Variants in ACCSL observed in about 807,000 individuals in gnomAD.
ACCSL encodes the protein 1-aminocyclopropane-1-carboxylate synthase homolog (inactive) like, also known as probable inactive 1-aminocyclopropane-1-carboxylate synthase-like protein 2.
ACCSL carries 55 observed loss-of-function variants against 61.7 expected under a neutral mutation model. The observed-to-expected ratio is 0.89, with a 90% CI of 0.72 to 1.12. ACCSL has a LOEUF of 1.12. Ranked by LOEUF, ACCSL falls within the 50% of genes most tolerant of loss-of-function variation. ACCSL has a pLI of 0.00. For missense variants in ACCSL, 632 were observed against 698.0 expected (o/e 0.91, Z 1.07); for synonymous variants, 258 against 264.3 (o/e 0.98, Z 0.23).
chr11:43,967,167 C>CTTCT, the ACCSL span, among the ~76,000 whole-genome samples: 3 of 62,708 alleles, frequency 4.8e-5, no homozygotes, highest in Admixed American at 2.7e-4. Flanking sequence ...TCTTCTTCTT[C>CTTCT]TTTTTTTTTT....
the ACCSL span, among the ~76,000 whole-genome samples, chr11:43,933,758 G>T: frequency 6.6e-6 from 1 of 152,100 alleles, no homozygotes; most frequent in Non-Finnish European, 1.5e-5. Flanking sequence ...TTGATTCTTG[G>T]GAGGTCTTCT....
the ACCSL span, among the ~76,000 whole-genome samples, chr11:44,011,314 C>T: frequency 6.6e-6 from 1 of 152,196 alleles, no homozygotes; most frequent in Admixed American, 6.5e-5. Flanking sequence ...CAGCACTCAT[C>T]GTGGTCCTAG....
the ACCSL span, chr11:43,944,229 GCC>G: frequency 5.8e-6 from 1 of 172,398 alleles, no homozygotes; most frequent in East Asian, 1.6e-4. Context: ...CAGGGTCCTC[GCC>G]CCGCACCCGC....
chr11:44,047,848 A>G (rs981677194), upstream of ACCSL: 3 of 669,864 alleles, frequency 4.5e-6, no homozygotes, highest in Non-Finnish European at 7.4e-6. Context: ...AAGAGTAGGT[A>G]ACTCTTCATG....
At chr11:43,934,784 C>T in the ACCSL span, among the ~76,000 whole-genome samples, 1 of 152,320 alleles carries the variant, frequency 6.6e-6, no homozygotes, top group South Asian at 2.1e-4. Context: ...GTTCTTCCCA[C>T]CTTGATGTGC....
chr11:44,051,748 C>A, intron 5 of ACCSL, 29 bp downstream of exon 5: 1 of 1,610,164 alleles, frequency 6.2e-7, no homozygotes, highest in South Asian at 1.1e-5. Context: ...CTTTCACTCT[C>A]AGTGAAATAC....
chr11:43,965,732 A>G, the ACCSL span, among the ~76,000 whole-genome samples: 3 of 152,218 alleles, frequency 2.0e-5, no homozygotes, highest in African/African-American at 7.2e-5. Flanking sequence ...AGTAATCAAA[A>G]CAATGTGGTA....
At chr11:44,005,790 G>C in the ACCSL span, among the ~76,000 whole-genome samples, 1 of 152,256 alleles carries the variant, frequency 6.6e-6, no homozygotes, top group Admixed American at 6.5e-5. Flanking sequence ...TCAACAACTA[G>C]AGGAGATGGC....
At chr11:43,990,384 T>C in the ACCSL span, among the ~76,000 whole-genome samples, 2 of 152,158 alleles carry the variant, frequency 1.3e-5, no homozygotes, top group Non-Finnish European at 2.9e-5. Flanking sequence ...GGTAAGGGCC[T>C]GTTTTCTGTG....
chr11:44,007,716 G>C, the ACCSL span, among the ~76,000 whole-genome samples: 2 of 152,206 alleles, frequency 1.3e-5, no homozygotes, highest in Admixed American at 1.3e-4. Flanking sequence ...CCTCAGGGAG[G>C]CTCCTCCTCT....
At chr11:44,049,987 G>T (rs757771595) in intron 1 of ACCSL, 75 bp from the exon 2 acceptor site, 2 of 1,588,172 alleles carry the variant, frequency 1.3e-6, no homozygotes, top group Non-Finnish European at 1.7e-6. Flanking sequence ...ATCTCCATTT[G>T]AACTAATGTT....
At chr11:44,013,527 A>G in the ACCSL span, among the ~76,000 whole-genome samples, 2 of 152,204 alleles carry the variant, frequency 1.3e-5, no homozygotes, top group African/African-American at 4.8e-5. Context: ...CCCTGACCTC[A>G]GGTGATCCAC....
chr11:43,930,814 C>T, the ACCSL span, among the ~76,000 whole-genome samples: 1 of 152,226 alleles, frequency 6.6e-6, no homozygotes, highest in Non-Finnish European at 1.5e-5. Flanking sequence ...TTTTCACACA[C>T]ACACACACAT....
At chr11:44,042,281 C>A in the ACCSL span, among the ~76,000 whole-genome samples, 1 of 152,130 alleles carries the variant, frequency 6.6e-6, no homozygotes, top group African/African-American at 2.4e-5. Context: ...ACAGTCTGGG[C>A]CAGTTACTTT....
chr11:44,048,535 A>T lies in ACCSL; in HGVS notation c.499A>T (p.Thr167Ser). 1 of 950,960 alleles carries T rather than the reference A, an allele frequency of 1.1e-6. No homozygotes were observed. The highest frequency in any genetic ancestry group is 1.3e-6 in the Non-Finnish European group (1 of 742,458). The allele number at this position is 950,960 out of a possible 1,614,324, so 58.9% of individuals were successfully genotyped here. ...AGATAAATATCATAAGGACAAGAAC[A>T]CCTTGGTGAGAATTTGGGGTGGGGG... ...QKDKYHKDKN[T>S]LGFINLGTSE... is the part of the protein sequence containing the mutation. The change falls in exon 1 of 14, where the codon ACC (threonine) becomes TCC (serine). Residue 167 changes from threonine (T) to serine (S), a missense_variant. Coordinates refer to ENST00000378832, the MANE Select transcript of ACCSL (RefSeq NM_001031854.2).
the ACCSL span, among the ~76,000 whole-genome samples, chr11:43,969,702 A>T: frequency 6.6e-6 from 1 of 151,872 alleles, no homozygotes; most frequent in Non-Finnish European, 1.5e-5. Context: ...TCCTGCCCAC[A>T]CCCCAGCTTC....
At chr11:44,026,917 C>T in the ACCSL span, among the ~76,000 whole-genome samples, 3,588 of 152,122 alleles carry the variant, frequency 0.024, 158 homozygotes, top group African/African-American at 0.082. Flanking sequence ...TTAGTAGAGA[C>T]GGGTTTCTCC....
the ACCSL span, among the ~76,000 whole-genome samples, chr11:43,984,135 CT>C: frequency 6.6e-6 from 1 of 151,992 alleles, no homozygotes; most frequent in African/African-American, 2.4e-5. Context: ...AAAAAACTGC[CT>C]TGCAAAGACG....
chr11:43,948,587 C>T, the ACCSL span, among the ~76,000 whole-genome samples: 3 of 152,214 alleles, frequency 2.0e-5, no homozygotes, highest in African/African-American at 4.8e-5. Context: ...GATCCTCCCA[C>T]TTCAGCTTCC....
Sources: allele counts gnomAD v4.1 joint callset (sites outside exome capture counted in the v4.1 genomes callset), GRCh38; gene constraint gnomAD v4.1.1; transcripts MANE v1.5; gene names NCBI Gene and HGNC (gene_info 2026-07-23, HGNC 2026-07-21).